TBL1X: variants seen among roughly 807,000 people sequenced by gnomAD.
TBL1X encodes the protein F-box-like/WD repeat-containing protein TBL1X.
In TBL1X, 10 loss-of-function variants were observed where a neutral mutation model predicts 50.7. The ratio of observed to expected loss-of-function variants is 0.20; its 90% CI spans 0.12 to 0.33. The LOEUF (loss-of-function observed/expected upper bound fraction) is 0.33. Ranked by LOEUF, TBL1X falls within the 10% of genes least tolerant of loss-of-function variation. The pLI, the probability that TBL1X is intolerant of heterozygous loss-of-function variation, is 1.00. For synonymous variants in TBL1X, 190 were observed against 214.7 expected (o/e 0.88, Z 1.01); for missense variants, 340 against 504.4 (o/e 0.67, Z 3.12).
chrX:9,705,206 C>T, intron 13 of TBL1X, 92 bp downstream of exon 13: 1 of 1,165,483 alleles, frequency 8.6e-7, no homozygotes, highest in Non-Finnish European at 1.2e-6. Context: ...GCTACTGCAG[C>T]AGCAGACCAG....
chrX:9,654,269 G>A lies in TBL1X; in HGVS notation c.158G>A (p.Ser53Asn), dbSNP rs781174429. The A allele has an allele frequency of 3.4e-5, 41 of 1,208,775 alleles. No individual in the cohort carries two copies. Among genetic ancestry groups the A allele is most frequent in the Non-Finnish European group, 4.6e-5 (41 of 895,202 alleles). ...TCGCCGCGAGGTGAGGCTAAGATGAGCATAACCAGTGACGAGGTGAACTTT... is the reference window on the plus strand; with the variant it reads ...TCGCCGCGAGGTGAGGCTAAGATGAACATAACCAGTGACGAGGTGAACTTT... ...TSSPRGEAKMSITSDEVNFLV... is the reference protein window; with the variant it reads ...TSSPRGEAKMNITSDEVNFLV... The change falls in exon 5 of 18, where the codon AGC becomes AAC. Residue 53 changes from serine (S) to asparagine (N), a missense_variant. Around this residue, in one of 6 missense-constraint regions of TBL1X, gnomAD observed 41 missense variants for 48.6 expected, o/e 0.84. Transcript: ENST00000645353.
intron 2 of TBL1X, among the ~76,000 whole-genome samples, chrX:9,609,163 A>G (rs746997590): frequency 8.9e-6 from 1 of 111,932 alleles, no homozygotes; most frequent in African/African-American, 3.2e-5. Context: ...CCACCGGAGG[A>G]AGTATTAGTA....
At chrX:9,616,968 A>G (rs1207272191) in intron 2 of TBL1X, among the ~76,000 whole-genome samples, 1 of 111,402 alleles carries the variant, frequency 9.0e-6, no homozygotes, top group East Asian at 2.8e-4. Flanking sequence ...GAACTTTTTT[A>G]CCCGTGATGT....
At chrX:9,512,838 C>T (rs1221280472) in intron 2 of TBL1X, among the ~76,000 whole-genome samples, 3 of 111,602 alleles carry the variant, frequency 2.7e-5, no homozygotes, top group Non-Finnish European at 5.7e-5. Context: ...AGTGCCTTTC[C>T]CGTGAGTCTT....
intron 2 of TBL1X, among the ~76,000 whole-genome samples, chrX:9,568,767 C>T (rs1415875151): frequency 9.8e-6 from 1 of 101,638 alleles, no homozygotes; most frequent in Non-Finnish European, 2.0e-5. Flanking sequence ...TTGTCTCTAT[C>T]TGTGCAGTGT....
In TBL1X at chrX:9,717,993, C is replaced by G. The variant is rs1252935913; in HGVS notation, c.*1747C>G. ...TTTCAGTGAATCTGGTGACCTCCAT[C>G]TGCTTGCTGTCATAACCCGACACGG... On this transcript the variant is annotated 3_prime_UTR_variant, in exon 18 of 18. Coordinates refer to ENST00000645353, the MANE Select transcript of TBL1X (RefSeq NM_005647.4). 1.8e-5 allele frequency: 2 copies of G among 110,883 alleles called. No homozygotes were observed. Among genetic ancestry groups the G allele is most frequent in the Non-Finnish European group, 3.8e-5 (2 of 53,063 alleles). The allele number at this position is 110,883 out of a possible 1,213,427, so 9.1% of individuals were successfully genotyped here. A position where few individuals can be genotyped will look rare whatever the true frequency, so the allele number is the denominator to read the frequency against.
chrX:9,710,758 C>T (rs931442992), intron 15 of TBL1X, among the ~76,000 whole-genome samples: 2 of 112,060 alleles, frequency 1.8e-5, no homozygotes, highest in African/African-American at 6.5e-5. Context: ...AATTTATTTT[C>T]TATTTAGAGA....
At chrX:9,664,635 AT>A (rs1349633597) in intron 5 of TBL1X, among the ~76,000 whole-genome samples, 1 of 111,784 alleles carries the variant, frequency 8.9e-6, no homozygotes, top group Non-Finnish European at 1.9e-5. Context: ...CTTTTACAAT[AT>A]CCACTTAGAA....
At chrX:9,562,195 A>G (rs1417920806) in intron 2 of TBL1X, among the ~76,000 whole-genome samples, 1 of 112,184 alleles carries the variant, frequency 8.9e-6, no homozygotes, top group East Asian at 2.8e-4. Context: ...CTACGGGGAC[A>G]GATTTGAATT....
In TBL1X at chrX:9,619,439, C is replaced by T. The variant is rs147832376; in HGVS notation, c.-130-20834C>T. ...GTGCATCCCTCCTGGCTTCTAGTTT[C>T]CAGTTAACTTAAGCAAAGCTGCACA... On this transcript the variant is annotated intron_variant, in intron 2 of 17. Coordinates refer to ENST00000645353, the MANE Select transcript of TBL1X (RefSeq NM_005647.4). Among the ~76,000 whole-genome samples, 836 of 111,699 alleles carry T rather than the reference C, an allele frequency of 7.5e-3. 7 individuals carry two copies. The highest frequency in any genetic ancestry group is 0.026 in the African/African-American group (786 of 30,693).
chrX:9,490,565 C>T (rs1309003604), intron 1 of TBL1X, among the ~76,000 whole-genome samples: 1 of 111,677 alleles, frequency 9.0e-6, no homozygotes, highest in Non-Finnish European at 1.9e-5. Context: ...GATTTTCATG[C>T]ACTTTATAGT....
intron 2 of TBL1X, among the ~76,000 whole-genome samples, chrX:9,603,339 A>T (rs1227343225): frequency 8.9e-6 from 1 of 112,453 alleles, no homozygotes; most frequent in Non-Finnish European, 1.9e-5. Flanking sequence ...GTGATGTCAC[A>T]CACAATAACG....
chrX:9,654,128 A>G (rs2082851947), intron 4 of TBL1X, 87 bp from the exon 5 acceptor site: 1 of 751,436 alleles, frequency 1.3e-6, no homozygotes, highest in African/African-American at 2.2e-5. Context: ...GTATAATAGC[A>G]TGGATATTAT....
At chrX:9,607,310 A>AT (rs2082588794) in intron 2 of TBL1X, among the ~76,000 whole-genome samples, 1 of 113,010 alleles carries the variant, frequency 8.8e-6, no homozygotes, top group Admixed American at 9.3e-5. Context: ...GATTCCTAAG[A>AT]TTTTAGAATT....
intron 1 of TBL1X, among the ~76,000 whole-genome samples, chrX:9,466,824 A>G (rs778829389): frequency 1.8e-5 from 2 of 112,657 alleles, no homozygotes; most frequent in South Asian, 7.3e-4. Flanking sequence ...GTCCTGTCTC[A>G]AATGTGCTGC....
At chrX:9,496,528 A>G (rs1301042694) in intron 1 of TBL1X, among the ~76,000 whole-genome samples, 1 of 112,914 alleles carries the variant, frequency 8.9e-6, no homozygotes, top group African/African-American at 3.2e-5. Context: ...GATTGAACCA[A>G]ATGACACTGG....
intron 5 of TBL1X, among the ~76,000 whole-genome samples, chrX:9,677,353 T>C (rs766896802): frequency 2.7e-5 from 3 of 110,090 alleles, no homozygotes; most frequent in East Asian, 2.8e-4. Flanking sequence ...ATAATGACTG[T>C]ATTGTAAAAC....
At chrX:9,565,587 G>C (rs1472538057) in intron 2 of TBL1X, among the ~76,000 whole-genome samples, 1 of 111,208 alleles carries the variant, frequency 9.0e-6, no homozygotes, top group Non-Finnish European at 1.9e-5. Flanking sequence ...ACAACACTTC[G>C]GGAGGCCGAA....
chrX:9,545,000 C>T (rs1417053796), intron 2 of TBL1X, among the ~76,000 whole-genome samples: 5 of 71,759 alleles, frequency 7.0e-5, no homozygotes, highest in Non-Finnish European at 1.0e-4. Context: ...TTTCCCCCCA[C>T]TTTTTTTTTT....
Sources: allele counts gnomAD v4.1 joint callset (sites outside exome capture counted in the v4.1 genomes callset), GRCh38; gene constraint gnomAD v4.1.1; regional missense constraint gnomAD v4.1.1; transcripts MANE v1.5; gene names NCBI Gene and HGNC (gene_info 2026-07-23, HGNC 2026-07-21).